Variants in PGAP2 observed in about 807,000 individuals in gnomAD.
PGAP2 encodes the protein acyltransferase PGAP2.
In PGAP2, 21 loss-of-function variants were observed where a neutral mutation model predicts 33.2. The observed-to-expected ratio is 0.63, with a 90% CI of 0.45 to 0.91. The LOEUF is 0.91. PGAP2 is among the 40% of genes least tolerant of loss of function. PGAP2 has a pLI of 0.00. For synonymous variants in PGAP2, 161 were observed against 172.9 expected, an observed-to-expected ratio of 0.93 and a Z score of 0.54; for missense variants, 345 against 424.0, an observed-to-expected ratio of 0.81 and a Z score of 1.64.
At chr11:3,808,483 G>C (rs2084864077), upstream of PGAP2, 8 of 1,433,664 alleles carry the variant, frequency 5.6e-6, no homozygotes, top group East Asian at 2.7e-5. Context: ...CTCCAGAAGC[G>C]GGGAGGAGCC....
chr11:3,797,724 G>A (rs554269042), upstream of PGAP2: 5 of 1,135,866 alleles, frequency 4.4e-6, no homozygotes, highest in South Asian at 3.1e-5. Flanking sequence ...AGGGGCAGAA[G>A]GAGTTCGGGG....
upstream of PGAP2, chr11:3,808,513 G>T (rs1297924472): frequency 1.4e-6 from 2 of 1,396,188 alleles, no homozygotes; most frequent in Admixed American, 6.0e-5. Context: ...TCTGGGCGCA[G>T]TTTCCTCTCT....
At position 3,824,148 on chromosome 11, in the gene PGAP2, A is replaced by G. The variant is rs1404386063; in HGVS notation, c.601+13A>G. On this transcript the variant is annotated intron_variant, in intron 4 of 6. Transcript: ENST00000278243. Reference sequence around the variant, plus strand: ...TCCGAGGACTTCAGTGGGTGCCTGGATGAGGGAGGAGTGGGGAAGTGTTCC... The same window carrying G: ...TCCGAGGACTTCAGTGGGTGCCTGGGTGAGGGAGGAGTGGGGAAGTGTTCC... 1.2e-6 allele frequency: 2 copies of G among 1,613,612 alleles called. No individual in the cohort carries two copies. Among genetic ancestry groups the G allele is most frequent in the Admixed American group, 3.3e-5 (2 of 59,948 alleles).
At chr11:3,798,201 C>G in intron 1 of PGAP2, 1 of 1,246,750 alleles carries the variant, frequency 8.0e-7, no homozygotes, top group Non-Finnish European at 1.0e-6. Context: ...TCTTTCCCTC[C>G]CTGAATTTCT....
At chr11:3,808,315 G>C (rs2084817157), upstream of PGAP2, 2 of 1,551,540 alleles carry the variant, frequency 1.3e-6, no homozygotes, top group East Asian at 4.9e-5. Context: ...GCAGCTGAGA[G>C]GTAAGGCGAC....
At chr11:3,817,837 A>C in intron 3 of PGAP2, 1 of 540,134 alleles carries the variant, frequency 1.9e-6, no homozygotes, top group Non-Finnish European at 3.5e-6. Context: ...ACTCGAGTTC[A>C]GTTCGAGACC....
At chr11:3,803,797 A>ATATAT (rs1554916392), upstream of PGAP2, among the ~76,000 whole-genome samples, 24 of 144,842 alleles carry the variant, frequency 1.7e-4, no homozygotes, top group East Asian at 8.1e-4. Flanking sequence ...ATATATATAT[A>ATATAT]TTTTTTTTTT....
At chr11:3,815,873 G>A (rs1203596666) in intron 2 of PGAP2, among the ~76,000 whole-genome samples, 1 of 152,136 alleles carries the variant, frequency 6.6e-6, no homozygotes, top group Admixed American at 6.5e-5. Context: ...CATTTCTCCA[G>A]TGAGGCCCAA....
intron 3 of PGAP2, chr11:3,822,891 T>G (rs1490264230): frequency 9.4e-6 from 13 of 1,384,940 alleles, no homozygotes; most frequent in Non-Finnish European, 1.2e-5. Flanking sequence ...GTGTATTATC[T>G]TCTCCTTTTT....
intron 1 of PGAP2, among the ~76,000 whole-genome samples, 186 bp downstream of exon 1, chr11:3,808,837 C>T (rs902047486): frequency 1.3e-5 from 2 of 152,218 alleles, no homozygotes; most frequent in Non-Finnish European, 2.9e-5. Flanking sequence ...CCCTTCTTCT[C>T]CCTCCCCAGC....
At chr11:3,822,208 C>A (rs1169226582) in intron 3 of PGAP2, among the ~76,000 whole-genome samples, 1 of 151,606 alleles carries the variant, frequency 6.6e-6, no homozygotes, top group Non-Finnish European at 1.5e-5. Flanking sequence ...ACTAAAAATA[C>A]AAAAAATTAG....
In PGAP2 at chr11:3,824,391, T is replaced by C; in HGVS notation, c.708+15T>C. On this transcript the variant is annotated intron_variant, in intron 5 of 6. Coordinates refer to ENST00000278243, the MANE Select transcript of PGAP2 (RefSeq NM_014489.4). ...TAAGTCAGGAGGTACGGTCTATCCC[T>C]AGCGGGGGCTCCAAGGCAGCCCAGA... is the stretch of plus-strand genomic sequence containing the variant. 6.2e-7 allele frequency: 1 copy of C among 1,614,192 alleles called. No homozygotes were observed. The highest frequency in any genetic ancestry group is 1.1e-5 in the South Asian group (1 of 91,090).
intron 2 of PGAP2, among the ~76,000 whole-genome samples, chr11:3,815,373 A>G (rs565929653): frequency 6.7e-6 from 1 of 150,328 alleles, no homozygotes; most frequent in East Asian, 2.0e-4. Flanking sequence ...CAATGGCACG[A>G]TCTCGGCTTA....
Position 3,825,081 on chromosome 11 carries a change from C to T in PGAP2, c.770C>T (p.Ser257Leu), listed in dbSNP as rs766716423. The T allele has an allele frequency of 2.2e-5, 36 of 1,614,078 alleles. No individual in the cohort carries two copies. The highest frequency in any genetic ancestry group is 2.7e-5 in the Non-Finnish European group (32 of 1,180,030). Residue 257 changes from serine (S) to leucine (L), a missense_variant, in exon 6 of 7, where the codon TCG (serine) becomes TTG (leucine). By Grantham distance (145) the Ser-to-Leu change is moderately radical (BLOSUM62 -2). Transcript: ENST00000278243. ...ATCATCAACTTCATCTCCTTCTTCTCGGCGCTGGCTGTCTACTTTCGGCAC... is the reference window on the plus strand; with the variant it reads ...ATCATCAACTTCATCTCCTTCTTCTTGGCGCTGGCTGTCTACTTTCGGCAC... ...LFIINFISFFSALAVYFRHNM... is the reference protein window; with the variant it reads ...LFIINFISFFLALAVYFRHNM...
chr11:3,825,437 G>C lies in PGAP2; in HGVS notation c.927G>C (p.Gln309His). 1.2e-6 allele frequency: 2 copies of C among 1,613,584 alleles called. No homozygotes were observed. The highest frequency in any genetic ancestry group is 1.7e-6 in the Non-Finnish European group (2 of 1,179,970). Residue 309 changes from glutamine (Q) to histidine (H), a missense_variant, in exon 7 of 7, where the codon CAG becomes CAC. By Grantham distance (24) the Gln-to-His change is conservative. Around this residue, in one of 2 missense-constraint regions of PGAP2, gnomAD observed 311 missense variants for 353.6 expected, o/e 0.88. Coordinates refer to ENST00000278243, the MANE Select transcript of PGAP2 (RefSeq NM_014489.4). ...ACAAGGAGCTGCTCATAACCTCTCA[G>C]CCTGAGGAAAAGCGATTCTGAACCC... Reference protein sequence around the residue: ...FGNKELLITSQPEEKRF With the variant: ...FGNKELLITSHPEEKRF
At chr11:3,821,113 A>G (rs1240627752) in intron 3 of PGAP2, among the ~76,000 whole-genome samples, 3 of 152,072 alleles carry the variant, frequency 2.0e-5, no homozygotes, top group South Asian at 2.1e-4. Context: ...TCTCTCCCAG[A>G]GCTCTACATT....
At chr11:3,802,564 G>C (rs1482558624) in intron 1 of PGAP2, among the ~76,000 whole-genome samples, 2 of 152,184 alleles carry the variant, frequency 1.3e-5, no homozygotes, top group African/African-American at 4.8e-5. Context: ...TGTCCTAGGA[G>C]CCCCAGTATC....
rs370852502 is a variant in PGAP2, at chr11:3,810,544, C to T, written c.-10-706C>T. On this transcript the variant is annotated intron_variant, in intron 1 of 6. Coordinates refer to ENST00000278243, the MANE Select transcript of PGAP2 (RefSeq NM_014489.4). Reference sequence around the variant, plus strand: ...CACAGGAGGGTGATGTGGACAGCCCCCTGGGCACTGGGAAGCCTCCAGAAG... The same window carrying T: ...CACAGGAGGGTGATGTGGACAGCCCTCTGGGCACTGGGAAGCCTCCAGAAG... 1.0e-3 allele frequency among the ~76,000 whole-genome samples: 152 copies of T among 152,308 alleles called. 2 individuals are homozygous for T. Among genetic ancestry groups the T allele is most frequent in the Middle Eastern group, 6.8e-3 (2 of 294 alleles).
intron 2 of PGAP2, among the ~76,000 whole-genome samples, chr11:3,814,165 G>C (rs1055668202): frequency 6.6e-6 from 1 of 152,208 alleles, no homozygotes; most frequent in Non-Finnish European, 1.5e-5. Flanking sequence ...GCCTCTGCTC[G>C]CATATCCCCA....
Sources: gnomAD v4.1 joint callset for allele counts (sites outside exome capture counted in the v4.1 genomes callset) on GRCh38, gnomAD v4.1.1 for gene constraint, gnomAD v4.1.1 regional missense constraint, MANE v1.5 for transcripts, NCBI Gene and HGNC (gene_info 2026-07-23, HGNC 2026-07-21) for gene names.